PLEKHA6: variants seen among roughly 807,000 people sequenced by gnomAD.
PLEKHA6 encodes the protein pleckstrin homology domain containing A6.
PLEKHA6 carries 60 observed loss-of-function variants against 116.7 expected under a neutral mutation model. The observed-to-expected ratio is 0.51, with a 90% CI of 0.42 to 0.64. The LOEUF is 0.64. Among genes scored for constraint, PLEKHA6 ranks in the 30% least tolerant of loss-of-function variants. The probability of loss-of-function intolerance (pLI) is 0.00; values close to 1 mark genes in which losing one functional copy is unlikely to be tolerated. For missense variants in PLEKHA6, 1,338 were observed against 1,422.7 expected, an observed-to-expected ratio of 0.94 and a Z score of 0.96; for synonymous variants, 489 against 556.1, an observed-to-expected ratio of 0.88 and a Z score of 1.70.
chr1:204,288,257 T>A (rs866777492), intron 1 of PLEKHA6, among the ~76,000 whole-genome samples: 1 of 152,312 alleles, frequency 6.6e-6, no homozygotes, highest in East Asian at 1.9e-4. Flanking sequence ...ACCCCTTCAG[T>A]GCTGGGTTGC....
intron 9 of PLEKHA6, chr1:204,255,605 G>C (rs1296237195): frequency 1.4e-6 from 1 of 702,678 alleles, no homozygotes; most frequent in Admixed American, 2.0e-5. Flanking sequence ...GGATGATAAG[G>C]GGGGCACCAG....
intron 1 of PLEKHA6, among the ~76,000 whole-genome samples, chr1:204,351,106 G>A (rs1673264722): frequency 6.6e-6 from 1 of 152,242 alleles, no homozygotes; most frequent in Non-Finnish European, 1.5e-5. Context: ...ATGGCCGCCA[G>A]GCTGCCTTGC....
chr1:204,367,355 G>A (rs1251815781), intron 3 of PLEKHA6, among the ~76,000 whole-genome samples: 1 of 152,110 alleles, frequency 6.6e-6, no homozygotes. Flanking sequence ...AAGAGTGACC[G>A]GAGCTGGCCT....
intron 3 of PLEKHA6, among the ~76,000 whole-genome samples, chr1:204,271,017 C>T (rs968840414): frequency 1.3e-5 from 2 of 152,274 alleles, no homozygotes; most frequent in Non-Finnish European, 2.9e-5. Flanking sequence ...GTTAGCTGCA[C>T]ACTACTCTCC....
chr1:204,319,061 A>C (rs886790865), intron 1 of PLEKHA6, among the ~76,000 whole-genome samples: 1 of 152,188 alleles, frequency 6.6e-6, no homozygotes, highest in Non-Finnish European at 1.5e-5. Flanking sequence ...AAAGTCCCCC[A>C]AAAACAAGGT....
chr1:204,244,779 T>C (rs982893908), intron 15 of PLEKHA6, 85 bp downstream of exon 15: 2 of 1,069,078 alleles, frequency 1.9e-6, no homozygotes, highest in Non-Finnish European at 2.6e-6. Context: ...GGGGAAGAGA[T>C]GGGCACAGAA....
At chr1:204,287,882 T>C (rs1669359134) in intron 1 of PLEKHA6, among the ~76,000 whole-genome samples, 2 of 152,190 alleles carry the variant, frequency 1.3e-5, no homozygotes, top group South Asian at 4.1e-4. Flanking sequence ...GGTTTGTATC[T>C]CTGGCTTCTG....
chr1:204,267,483 T>C lies in PLEKHA6; in HGVS notation c.272A>G (p.Tyr91Cys), dbSNP rs1558105401. The stretch of plus-strand genomic sequence containing the variant: ...CCAAGGGCCAAGCTCACCTTTATAG[T>C]AGAAGAGGCAGCGATCCACCAGGAC... ...WFVLVDRCLF[Y>C]YKDEKEESIL... Residue 91 changes from tyrosine to cysteine, a missense_variant, in exon 5 of 23, where the codon TAC becomes TGC. Around this residue, in one of 3 missense-constraint regions of PLEKHA6, gnomAD observed 140 missense variants for 197.4 expected, o/e 0.71. Coordinates refer to ENST00000272203, the MANE Select transcript of PLEKHA6 (RefSeq NM_014935.5). The C allele has an allele frequency of 5.6e-6, 9 of 1,613,728 alleles. No individual in the cohort carries two copies. Among genetic ancestry groups the C allele is most frequent in the Non-Finnish European group, 6.8e-6 (8 of 1,179,840 alleles).
chr1:204,352,166 G>A (rs1673300753), intron 1 of PLEKHA6, among the ~76,000 whole-genome samples: 1 of 151,964 alleles, frequency 6.6e-6, no homozygotes, highest in Non-Finnish European at 1.5e-5. Flanking sequence ...TTGAGGCCAG[G>A]AATTTGAGAC....
intron 3 of PLEKHA6, among the ~76,000 whole-genome samples, chr1:204,269,797 C>G (rs1232636058): frequency 1.3e-5 from 2 of 152,120 alleles, no homozygotes; most frequent in African/African-American, 4.8e-5. Context: ...CTCCACCGAT[C>G]ATCTCCTCTC....
At chr1:204,297,906 T>C in intron 1 of PLEKHA6, 1 of 985,172 alleles carries the variant, frequency 1.0e-6, no homozygotes, top group Non-Finnish European at 1.2e-6. Context: ...GAAGACGGCA[T>C]CTTGATCTAG....
At chr1:204,272,105 G>A (rs770417194) in intron 3 of PLEKHA6, among the ~76,000 whole-genome samples, 7 of 151,646 alleles carry the variant, frequency 4.6e-5, no homozygotes, top group Admixed American at 2.6e-4. Flanking sequence ...TCCCAGTCCC[G>A]CACCTGATGC....
At chr1:204,249,037 G>A in intron 11 of PLEKHA6, 67 bp from the exon 12 acceptor site, 1 of 1,567,016 alleles carries the variant, frequency 6.4e-7, no homozygotes, top group Non-Finnish European at 8.7e-7. Flanking sequence ...AACAGCAGAG[G>A]CCTGAGCCCT....
At chr1:204,311,654 C>T in intron 1 of PLEKHA6, 1 of 976,534 alleles carries the variant, frequency 1.0e-6, no homozygotes, top group Non-Finnish European at 1.2e-6. Context: ...GGTTTTTAAA[C>T]ACAAAATCAT....
intron 3 of PLEKHA6, among the ~76,000 whole-genome samples, chr1:204,367,133 G>T (rs577900467): frequency 1.3e-5 from 2 of 152,150 alleles, no homozygotes; most frequent in Non-Finnish European, 2.9e-5. Flanking sequence ...AGTTCAACTG[G>T]GTAGCTCATG....
At chr1:204,241,516 G>T in intron 16 of PLEKHA6, 35 bp from the exon 17 acceptor site, 2 of 1,487,828 alleles carry the variant, frequency 1.3e-6, no homozygotes, top group Non-Finnish European at 9.1e-7. Flanking sequence ...GGGCCTCATG[G>T]AGAGCAGGAA....
At chr1:204,348,597 C>A (rs1358770232) in intron 1 of PLEKHA6, among the ~76,000 whole-genome samples, 1 of 152,108 alleles carries the variant, frequency 6.6e-6, no homozygotes, top group African/African-American at 2.4e-5. Flanking sequence ...TCATTCCAGG[C>A]CTTATCTTTA....
chr1:204,330,400 A>C (rs1214092290), intron 1 of PLEKHA6, among the ~76,000 whole-genome samples: 1 of 152,270 alleles, frequency 6.6e-6, no homozygotes, highest in East Asian at 1.9e-4. Flanking sequence ...AAGAAGACTG[A>C]CTAAGAGAAG....
chr1:204,324,481 G>A (rs955960393), intron 1 of PLEKHA6, among the ~76,000 whole-genome samples: 1 of 152,182 alleles, frequency 6.6e-6, no homozygotes, highest in African/African-American at 2.4e-5. Flanking sequence ...GCCCCCATTA[G>A]AGAGGCAGCT....
Sources: allele counts gnomAD v4.1 joint callset (sites outside exome capture counted in the v4.1 genomes callset), GRCh38; gene constraint gnomAD v4.1.1; regional missense constraint gnomAD v4.1.1; transcripts MANE v1.5; gene names NCBI Gene and HGNC (gene_info 2026-07-23, HGNC 2026-07-21).